CRY1: variants seen among roughly 807,000 people sequenced by gnomAD.
The protein encoded by CRY1 is cryptochrome-1.
In CRY1, 45 loss-of-function variants were observed where a neutral mutation model predicts 76.0. The observed-to-expected ratio is 0.59, with a 90% CI of 0.47 to 0.76. The LOEUF is 0.76. Ranked by LOEUF, CRY1 falls within the 30% of genes least tolerant of loss-of-function variation. The probability of loss-of-function intolerance (pLI) is 0.00; values close to 1 mark genes in which losing one functional copy is unlikely to be tolerated. For synonymous variants in CRY1, 248 were observed against 244.0 expected, an observed-to-expected ratio of 1.02 and a Z score of -0.15; for missense variants, 587 against 716.4, an observed-to-expected ratio of 0.82 and a Z score of 2.06.
At chr12:107,072,524 G>C (rs1284189729) in intron 1 of CRY1, among the ~76,000 whole-genome samples, 1 of 152,154 alleles carries the variant, frequency 6.6e-6, no homozygotes, top group East Asian at 1.9e-4. Flanking sequence ...AAGGTTTATG[G>C]AACACAGAAG....
At chr12:107,005,442 T>C (rs1473806204) in intron 2 of CRY1, among the ~76,000 whole-genome samples, 194 bp from the exon 3 acceptor site, 1 of 152,242 alleles carries the variant, frequency 6.6e-6, no homozygotes, top group African/African-American at 2.4e-5. Flanking sequence ...CATTAGATTC[T>C]AGGCATTATG....
At chr12:107,070,333 A>T (rs1953173646) in intron 1 of CRY1, among the ~76,000 whole-genome samples, 1 of 152,204 alleles carries the variant, frequency 6.6e-6, no homozygotes, top group African/African-American at 2.4e-5. Context: ...CATCTTAGAC[A>T]TTTAGTGCTT....
At position 107,064,034 on chromosome 12, in the gene CRY1, A is replaced by AT. The variant is rs546115268; in HGVS notation, c.158+28769dup. The stretch of plus-strand genomic sequence containing the variant: ...TGGGGTAGAAACTGAGAGTATACTT[A>AT]TTTTTTTTTAAGTTCCCTGAATGGA... On this transcript the variant is annotated intron_variant, in intron 1 of 12. Transcript: ENST00000008527. 5.5e-4 allele frequency among the ~76,000 whole-genome samples: 84 copies of AT among 151,542 alleles called. 1 individual carries two copies. Among genetic ancestry groups the AT allele is most frequent in the Admixed American group, 9.9e-4 (15 of 15,210 alleles).
intron 8 of CRY1, 49 bp from the exon 9 acceptor site, chr12:106,997,739 C>G: frequency 6.3e-7 from 1 of 1,598,106 alleles, no homozygotes; most frequent in Non-Finnish European, 8.6e-7. Flanking sequence ...TCTAAGCAAA[C>G]TATAACTACT....
chr12:107,061,209 A>C (rs1709619641), intron 1 of CRY1, among the ~76,000 whole-genome samples: 2 of 152,130 alleles, frequency 1.3e-5, no homozygotes. Context: ...TTTAATTAAT[A>C]ATAACAATGA....
chr12:107,001,579 T>C (rs1380256828), intron 4 of CRY1, among the ~76,000 whole-genome samples, 185 bp downstream of exon 4: 3 of 152,222 alleles, frequency 2.0e-5, no homozygotes, highest in African/African-American at 7.2e-5. Context: ...AGATCACATA[T>C]TTATAAAACA....
At chr12:107,046,890 T>C (rs1403753338) in intron 1 of CRY1, among the ~76,000 whole-genome samples, 3 of 152,166 alleles carry the variant, frequency 2.0e-5, no homozygotes, top group Non-Finnish European at 2.9e-5. Flanking sequence ...AAAGCAAATA[T>C]TATTCAATCT....
intron 5 of CRY1, among the ~76,000 whole-genome samples, chr12:107,000,488 T>C (rs144518006): frequency 2.5e-3 from 382 of 152,076 alleles, no homozygotes; most frequent in African/African-American, 8.6e-3. Context: ...TAGCTGCGAC[T>C]ACAGGCATGC....
chr12:107,074,426 G>A (rs976465344), intron 1 of CRY1, among the ~76,000 whole-genome samples: 5 of 152,144 alleles, frequency 3.3e-5, no homozygotes, highest in African/African-American at 1.2e-4. Context: ...TGTTGTTGCT[G>A]TTGCTATTGA....
intron 1 of CRY1, among the ~76,000 whole-genome samples, chr12:107,064,688 T>TA (rs1953089967): frequency 6.6e-6 from 1 of 152,188 alleles, no homozygotes; most frequent in Admixed American, 6.5e-5. Context: ...CTATGACATG[T>TA]AGGTGTTTCT....
At chr12:107,079,968 T>C (rs922652588) in intron 1 of CRY1, among the ~76,000 whole-genome samples, 8 of 152,086 alleles carry the variant, frequency 5.3e-5, no homozygotes, top group African/African-American at 1.9e-4. Flanking sequence ...AGGGGGACAA[T>C]GATTTGTAAG....
intron 1 of CRY1, among the ~76,000 whole-genome samples, chr12:107,031,386 T>C (rs1952672020): frequency 6.6e-6 from 1 of 151,558 alleles, no homozygotes; most frequent in South Asian, 2.1e-4. Context: ...TTTTTTTTTT[T>C]GCTTATTATA....
chr12:107,042,100 A>G (rs576115492), intron 1 of CRY1, among the ~76,000 whole-genome samples: 1 of 152,344 alleles, frequency 6.6e-6, no homozygotes, highest in East Asian at 1.9e-4. Context: ...TAAAAAAAAT[A>G]TACTCATGAG....
At chr12:106,992,138 A>G (rs906382177) in intron 12 of CRY1, 137 bp from the exon 13 acceptor site, 5 of 152,206 alleles carry the variant, frequency 3.3e-5, no homozygotes, top group Non-Finnish European at 5.9e-5. Flanking sequence ...AAAACTAAGC[A>G]ATAAAAAATG....
At chr12:107,033,627 G>A (rs1422833507) in intron 1 of CRY1, among the ~76,000 whole-genome samples, 2 of 151,882 alleles carry the variant, frequency 1.3e-5, no homozygotes, top group Non-Finnish European at 2.9e-5. Flanking sequence ...ATAGAATAAA[G>A]AAGAAAAACT....
At chr12:107,021,711 T>TAC (rs1393757645) in intron 2 of CRY1, among the ~76,000 whole-genome samples, 71 of 150,934 alleles carry the variant, frequency 4.7e-4, no homozygotes, top group Middle Eastern at 3.4e-3. Context: ...CATATATATA[T>TAC]ACACACACAC....
intron 1 of CRY1, among the ~76,000 whole-genome samples, chr12:107,089,055 C>T (rs1419879810): frequency 6.6e-6 from 1 of 152,184 alleles, no homozygotes. Context: ...TTCATTCATA[C>T]ATGTAGCGTA....
At chr12:107,066,082 C>T (rs746888733) in intron 1 of CRY1, among the ~76,000 whole-genome samples, 2 of 152,172 alleles carry the variant, frequency 1.3e-5, no homozygotes, top group Non-Finnish European at 2.9e-5. Flanking sequence ...CTAGTTTTTA[C>T]TAGGAATAAA....
chr12:107,085,675 G>A (rs1953391132), intron 1 of CRY1, among the ~76,000 whole-genome samples: 1 of 152,144 alleles, frequency 6.6e-6, no homozygotes, highest in South Asian at 2.1e-4. Flanking sequence ...TGAGGGGCAA[G>A]GGGATGGAGA....
Sources: allele counts gnomAD v4.1 joint callset (sites outside exome capture counted in the v4.1 genomes callset), GRCh38; gene constraint gnomAD v4.1.1; transcripts MANE v1.5; gene names NCBI Gene and HGNC (gene_info 2026-07-23, HGNC 2026-07-21).